The following CACNA2D1 variants were observed in gnomAD, a reference collection of about 807,000 sequenced individuals.
The protein encoded by CACNA2D1 is calcium voltage-gated channel auxiliary subunit alpha2delta 1.
Under a neutral mutation model 171.5 loss-of-function variants are expected in CACNA2D1, and 53 were observed. The observed-to-expected ratio is 0.31, with a 90% CI of 0.25 to 0.39. CACNA2D1 has a LOEUF of 0.39. Ranked by LOEUF, CACNA2D1 falls within the 10% of genes least tolerant of loss-of-function variation. The pLI, the probability that CACNA2D1 is intolerant of heterozygous loss-of-function variation, is 1.00. For synonymous variants in CACNA2D1, 442 were observed against 443.1 expected (o/e 1.00, Z 0.03); for missense variants, 903 against 1,299.8 (o/e 0.69, Z 4.69).
intron 37 of CACNA2D1, among the ~76,000 whole-genome samples, 153 bp downstream of exon 37, chr7:81,959,567 C>CCAACCAAATTTATGT (rs1346610085): frequency 6.6e-6 from 1 of 151,984 alleles, no homozygotes; most frequent in Non-Finnish European, 1.5e-5. Flanking sequence ...TCTTGACATT[C>CCAACCAAATTTATGT]CAACCAAATT....
intron 3 of CACNA2D1, among the ~76,000 whole-genome samples, chr7:82,202,419 C>G (rs1799540972): frequency 6.6e-6 from 1 of 152,136 alleles, no homozygotes; most frequent in African/African-American, 2.4e-5. Context: ...CTGAGTCAGC[C>G]ATGCAGCTGA....
At chr7:82,374,881 T>C (rs1360784798) in intron 1 of CACNA2D1, among the ~76,000 whole-genome samples, 1 of 152,026 alleles carries the variant, frequency 6.6e-6, no homozygotes, top group East Asian at 1.9e-4. Context: ...CGTGGCTCAG[T>C]TTTCCCTTAT....
chr7:82,415,689 T>C (rs1400236095), intron 1 of CACNA2D1, among the ~76,000 whole-genome samples: 3 of 152,078 alleles, frequency 2.0e-5, no homozygotes, highest in Non-Finnish European at 4.4e-5. Context: ...TTTAGCTTAA[T>C]GCACTGCATC....
intron 3 of CACNA2D1, among the ~76,000 whole-genome samples, chr7:82,191,359 TA>T (rs779622735): frequency 6.6e-6 from 1 of 151,802 alleles, no homozygotes; most frequent in Non-Finnish European, 1.5e-5. Flanking sequence ...GCGATTAGTT[TA>T]AAAGATTTTT....
chr7:82,322,865 T>C (rs1265255648), intron 3 of CACNA2D1, among the ~76,000 whole-genome samples: 1 of 152,214 alleles, frequency 6.6e-6, no homozygotes, highest in Non-Finnish European at 1.5e-5. Context: ...AACGGGCTTC[T>C]ACCTTCATGT....
chr7:82,071,633 C>T (rs958444298), intron 7 of CACNA2D1, among the ~76,000 whole-genome samples: 14 of 151,980 alleles, frequency 9.2e-5, no homozygotes, highest in African/African-American at 2.9e-4. Context: ...ATGTTCTACA[C>T]GTGGAAAAAA....
At chr7:82,422,918 C>A (rs1056848772) in intron 1 of CACNA2D1, among the ~76,000 whole-genome samples, 6 of 151,962 alleles carry the variant, frequency 3.9e-5, no homozygotes, top group Non-Finnish European at 8.8e-5. Context: ...CATTTTAATT[C>A]CAGTGTGCAC....
At chr7:81,974,953 A>G (rs916228169) in intron 24 of CACNA2D1, among the ~76,000 whole-genome samples, 11 of 152,042 alleles carry the variant, frequency 7.2e-5, no homozygotes, top group Admixed American at 2.0e-4. Flanking sequence ...TGATAGGTGC[A>G]GCAAACCAAC....
intron 9 of CACNA2D1, among the ~76,000 whole-genome samples, chr7:82,061,360 C>A (rs1211797992): frequency 1.3e-5 from 2 of 152,136 alleles, no homozygotes; most frequent in Non-Finnish European, 2.9e-5. Context: ...ATCCTCACTC[C>A]TCTCTGGCTC....
Position 82,194,129 on chromosome 7 carries a change from G to T in CACNA2D1, c.295-23520C>A, listed in dbSNP as rs920408994. On this transcript the variant is annotated intron_variant, in intron 3 of 38. Coordinates refer to ENST00000356860, the MANE Select transcript of CACNA2D1 (RefSeq NM_000722.4). ...TAAGATTTCAAAGTAGCTGCTAAAA[G>T]CTGTGTGTATTTCTACATGAGTTGG... Among the ~76,000 whole-genome samples, 8 of 152,100 alleles carry T rather than the reference G, an allele frequency of 5.3e-5. No individual in the cohort carries two copies. In the East Asian group the frequency reaches 1.6e-3, roughly 29 times the overall value.
intron 25 of CACNA2D1, among the ~76,000 whole-genome samples, chr7:81,972,173 T>C (rs1795349225): frequency 6.6e-6 from 1 of 151,530 alleles, no homozygotes. Context: ...TTTTTGTTTA[T>C]TTCTGTATGG....
At chr7:82,389,151 TA>T in intron 1 of CACNA2D1, among the ~76,000 whole-genome samples, 1 of 135,330 alleles carries the variant, frequency 7.4e-6, no homozygotes, top group Non-Finnish European at 1.6e-5. Context: ...TATATATTTA[TA>T]TATATATATA....
chr7:82,064,068 T>G (rs1004556166), intron 9 of CACNA2D1, among the ~76,000 whole-genome samples: 1 of 151,994 alleles, frequency 6.6e-6, no homozygotes, highest in East Asian at 1.9e-4. Flanking sequence ...TATTTAACAT[T>G]ATATGATATG....
intron 9 of CACNA2D1, among the ~76,000 whole-genome samples, chr7:82,061,729 T>A (rs1485185058): frequency 6.6e-6 from 1 of 151,924 alleles, no homozygotes; most frequent in African/African-American, 2.4e-5. Context: ...CGGAGGGAGA[T>A]TAGGGATTTT....
intron 1 of CACNA2D1, among the ~76,000 whole-genome samples, chr7:82,405,011 GT>G (rs954169420): frequency 6.6e-6 from 1 of 152,158 alleles, no homozygotes; most frequent in African/African-American, 2.4e-5. Context: ...GAGCTAGAAT[GT>G]TTCAAAAATG....
At chr7:82,142,980 C>T (rs1215244955) in intron 4 of CACNA2D1, among the ~76,000 whole-genome samples, 3 of 152,078 alleles carry the variant, frequency 2.0e-5, no homozygotes, top group African/African-American at 4.8e-5. Flanking sequence ...GTTCAACCAA[C>T]AGCACTGTAA....
At chr7:82,105,398 C>CTTTTTTTTTTTTTTTTT (rs572031121) in intron 6 of CACNA2D1, among the ~76,000 whole-genome samples, 5 of 99,486 alleles carry the variant, frequency 5.0e-5, no homozygotes, top group Non-Finnish European at 5.7e-5. Context: ...CAGTTTTTGT[C>CTTTTTTTTTTTTTTTTT]TTTTTTTTTT....
At chr7:82,089,465 G>A in intron 6 of CACNA2D1, among the ~76,000 whole-genome samples, 1 of 152,104 alleles carries the variant, frequency 6.6e-6, no homozygotes, top group East Asian at 1.9e-4. Flanking sequence ...AGCAGTGAAT[G>A]CTTGGAAATC....
chr7:82,165,092 C>T (rs1199846610), intron 4 of CACNA2D1, among the ~76,000 whole-genome samples: 1 of 151,940 alleles, frequency 6.6e-6, no homozygotes, highest in Non-Finnish European at 1.5e-5. Flanking sequence ...AATAATTTAG[C>T]ACTATTTTCA....
Sources: gnomAD v4.1 joint callset for allele counts (sites outside exome capture counted in the v4.1 genomes callset) on GRCh38, gnomAD v4.1.1 for gene constraint, MANE v1.5 for transcripts, NCBI Gene and HGNC (gene_info 2026-07-23, HGNC 2026-07-21) for gene names.